The following RP1L1 variants were observed in gnomAD, a reference collection of about 807,000 sequenced individuals.
RP1L1 encodes the protein RP1 like 1, also known as retinitis pigmentosa 1-like 1 protein.
In RP1L1, 27 loss-of-function variants were observed where a neutral mutation model predicts 15.7. The observed-to-expected ratio is 1.72, with a 90% CI of 1.27 to 2.38. RP1L1 has a LOEUF of 2.38. Ranked by LOEUF, RP1L1 falls within the 30% of genes most tolerant of loss-of-function variation. RP1L1 has a pLI of 0.00. For missense variants in RP1L1, 4,798 were observed against 3,075.9 expected, an observed-to-expected ratio of 1.56 and a Z score of -13.24; for synonymous variants, 1,813 against 1,276.7, an observed-to-expected ratio of 1.42 and a Z score of -8.96.
intron 1 of RP1L1, among the ~76,000 whole-genome samples, chr8:10,636,039 C>A (rs1442875518): frequency 6.6e-6 from 1 of 152,254 alleles, no homozygotes; most frequent in Non-Finnish European, 1.5e-5. Flanking sequence ...AACAGCTCTG[C>A]TGACCACCTG....
At chr8:10,650,229 T>A (rs1798538780) in intron 1 of RP1L1, among the ~76,000 whole-genome samples, 1 of 152,220 alleles carries the variant, frequency 6.6e-6, no homozygotes, top group East Asian at 1.9e-4. Flanking sequence ...AGTGAGTTAA[T>A]CAACCCCAAA....
At position 10,609,619 on chromosome 8, in the gene RP1L1, G is replaced by C. The variant is rs374297123; in HGVS notation, c.4479C>G (p.Ala1493=). The C allele has an allele frequency of 1.8e-4, 284 of 1,607,312 alleles. No individual in the cohort carries two copies. The highest frequency in any genetic ancestry group is 8.0e-4 in the Admixed American group (48 of 60,022). Residue 1493 remains alanine, a synonymous_variant, in exon 4 of 4, where the codon GCC becomes GCG. Coordinates refer to ENST00000382483, the MANE Select transcript of RP1L1 (RefSeq NM_178857.6). Reference sequence around the variant, plus strand: ...TCTCTGCAGCCCCCTGGGTGGGTTGGGCCTGCGTGTGCTCTTGGCCCATCA... The same window carrying C: ...TCTCTGCAGCCCCCTGGGTGGGTTGCGCCTGCGTGTGCTCTTGGCCCATCA... The part of the protein sequence containing the change: ...ATMMGQEHTQ[A]QPTQGAAERS...
Position 10,609,300 on chromosome 8 carries a change from G to A in RP1L1, c.4798C>T (p.Leu1600Phe), listed in dbSNP as rs768006756. Residue 1600 changes from leucine (L) to phenylalanine (F), a missense_variant, in exon 4 of 4, where the codon CTC (leucine) becomes TTC (phenylalanine). Leu to Phe is a conservative substitution (Grantham distance 22, BLOSUM62 0). Transcript: ENST00000382483. ...PPREALTGELLLQTQQRRHRL... is the reference protein window; with the variant it reads ...PPREALTGELFLQTQQRRHRL... The stretch of plus-strand genomic sequence containing the variant: ...TGTCTGCGCTGCTGGGTCTGCAGGA[G>A]CAGCTCCCCGGTGAGGGCCTCCCTT... The A allele has an allele frequency of 4.3e-6, 7 of 1,611,146 alleles. 1 individual carries two copies. The South Asian group carries it at 7.7e-5, about 18-fold the overall frequency.
In RP1L1 at chr8:10,609,477, G is replaced by A; in HGVS notation, c.4621C>T (p.Leu1541Phe). ...TCCTGCAGGCCCCAGCGTGCTCGGAGCTCAGCCACCGCACTGGCAAGGTGG... is the reference window on the plus strand; with the variant it reads ...TCCTGCAGGCCCCAGCGTGCTCGGAACTCAGCCACCGCACTGGCAAGGTGG... Reference protein sequence around the residue: ...LAHLASAVAELRARWGLQDND... With the variant: ...LAHLASAVAEFRARWGLQDND... Residue 1541 changes from leucine (L) to phenylalanine (F), a missense_variant, in exon 4 of 4, where the codon CTC becomes TTC. Transcript: ENST00000382483. The A allele has an allele frequency of 1.9e-6, 3 of 1,612,038 alleles. No individual in the cohort carries two copies. Among genetic ancestry groups the A allele is most frequent in the South Asian group, 1.1e-5 (1 of 91,064 alleles).
intron 1 of RP1L1, among the ~76,000 whole-genome samples, chr8:10,627,640 A>G (rs1443272040): frequency 1.4e-5 from 1 of 73,070 alleles, no homozygotes; most frequent in Non-Finnish European, 3.0e-5. Flanking sequence ...TTATCACAAT[A>G]CGAGATATAA....
chr8:10,643,750 A>C (rs560203647), intron 1 of RP1L1, among the ~76,000 whole-genome samples: 1 of 151,920 alleles, frequency 6.6e-6, no homozygotes. Flanking sequence ...TGCTGGAAAA[A>C]CACTGCAGCC....
chr8:10,651,398 T>C (rs1798558368), intron 1 of RP1L1, among the ~76,000 whole-genome samples: 1 of 152,186 alleles, frequency 6.6e-6, no homozygotes, highest in Non-Finnish European at 1.5e-5. Flanking sequence ...CTCTTTCTAG[T>C]ACAGCAAATT....
At chr8:10,634,421 C>T (rs1009702872) in intron 1 of RP1L1, among the ~76,000 whole-genome samples, 9 of 152,144 alleles carry the variant, frequency 5.9e-5, no homozygotes, top group South Asian at 2.1e-4. Context: ...AGGCTCCTCC[C>T]GGCATATGGA....
chr8:10,651,510 C>T (rs1033715962), intron 1 of RP1L1, among the ~76,000 whole-genome samples: 2 of 152,080 alleles, frequency 1.3e-5, no homozygotes, highest in Non-Finnish European at 2.9e-5. Flanking sequence ...GGGCAGATCA[C>T]GGGTTCAAGA....
intron 1 of RP1L1, among the ~76,000 whole-genome samples, chr8:10,634,129 G>A (rs887663707): frequency 1.3e-5 from 2 of 152,144 alleles, no homozygotes; most frequent in African/African-American, 4.8e-5. Flanking sequence ...GAGAAGTGAT[G>A]GGAGCATAAC....
chr8:10,619,160 A>G (rs1798019066), intron 2 of RP1L1, among the ~76,000 whole-genome samples: 1 of 152,174 alleles, frequency 6.6e-6, no homozygotes, highest in Non-Finnish European at 1.5e-5. Context: ...GTGAGCCACC[A>G]TGACTGGCCC....
intron 1 of RP1L1, among the ~76,000 whole-genome samples, chr8:10,641,396 T>C (rs1464948778): frequency 6.6e-6 from 1 of 152,200 alleles, no homozygotes; most frequent in Non-Finnish European, 1.5e-5. Context: ...GAAATAAATG[T>C]GTTGGACTAA....
In RP1L1 at chr8:10,606,619, A is replaced by G; in HGVS notation, c.*276T>C. 2 of 491,436 alleles carry G rather than the reference A, an allele frequency of 4.1e-6. No individual in the cohort carries two copies. Among genetic ancestry groups the G allele is most frequent in the Non-Finnish European group, 3.6e-6 (1 of 277,438 alleles). 30.4% of individuals were successfully genotyped at this position (491,436 alleles called of 1,614,324 possible). On this transcript the variant is annotated 3_prime_UTR_variant, in exon 4 of 4. Coordinates refer to ENST00000382483, the MANE Select transcript of RP1L1 (RefSeq NM_178857.6). ...TCCATCTTTCGGGCTCTGCAGACAA[A>G]TAAATAGGAGCCGGGCTGACCTCCG...
chr8:10,611,107 GT>G lies in RP1L1; in HGVS notation c.2990del (p.Asp997AlafsTer74). ...LRGPEVDPGDDHSLEGLGEPA... is the reference protein window; with the variant it reads ...LRGPEVDPGDXHSLEGLGEPA... ...GCTCCCCCAGGCCTTCCAGAGAATG[GT>G]CATCCCCAGGGTCCACCTCGGGGCC... On this transcript the variant is annotated frameshift_variant, in exon 4 of 4. Coordinates refer to ENST00000382483, the MANE Select transcript of RP1L1 (RefSeq NM_178857.6). LOFTEE classifies it low-confidence loss of function (END_TRUNC). The G allele has an allele frequency of 6.2e-7, 1 of 1,612,868 alleles. No homozygotes were observed. Among genetic ancestry groups the G allele is most frequent in the Non-Finnish European group, 8.5e-7 (1 of 1,180,010 alleles).
chr8:10,646,625 C>T (rs899363955), intron 1 of RP1L1, among the ~76,000 whole-genome samples: 12 of 152,004 alleles, frequency 7.9e-5, no homozygotes, highest in Admixed American at 3.9e-4. Flanking sequence ...GTGGTGTGGA[C>T]GGAGGGGACC....
At chr8:10,644,853 A>G (rs1006445408) in intron 1 of RP1L1, among the ~76,000 whole-genome samples, 7 of 152,166 alleles carry the variant, frequency 4.6e-5, no homozygotes, top group African/African-American at 1.7e-4. Context: ...TGAGAACCAC[A>G]TTTTACAACT....
chr8:10,632,708 G>C (rs13259086), intron 1 of RP1L1, among the ~76,000 whole-genome samples: 53,142 of 152,186 alleles, frequency 0.35, 12,045 homozygotes, highest in East Asian at 0.88. Flanking sequence ...ACTATTTGTT[G>C]AGAGACTGAA....
intron 1 of RP1L1, among the ~76,000 whole-genome samples, chr8:10,648,572 G>A (rs530572928): frequency 4.6e-5 from 7 of 152,206 alleles, no homozygotes; most frequent in African/African-American, 1.7e-4. Flanking sequence ...TAAACATCAC[G>A]AGGAACAATG....
chr8:10,638,578 T>TA (rs200928453), intron 1 of RP1L1, among the ~76,000 whole-genome samples: 6 of 150,886 alleles, frequency 4.0e-5, no homozygotes, highest in African/African-American at 7.3e-5. Context: ...ACCCCATCTC[T>TA]AAAAAAAAAT....
Sources: allele counts gnomAD v4.1 joint callset (sites outside exome capture counted in the v4.1 genomes callset), GRCh38; gene constraint gnomAD v4.1.1; transcripts MANE v1.5; gene names NCBI Gene and HGNC (gene_info 2026-07-23, HGNC 2026-07-21).